Variants in TNFAIP8L3 observed in about 807,000 individuals in gnomAD.
TNFAIP8L3 encodes the protein tumor necrosis factor alpha-induced protein 8-like protein 3.
In TNFAIP8L3, 7 loss-of-function variants were observed where a neutral mutation model predicts 11.8. The ratio of observed to expected loss-of-function variants is 0.59; its 90% confidence interval spans 0.34 to 1.11. TNFAIP8L3 has a LOEUF of 1.11. TNFAIP8L3 is among the 50% of genes most tolerant of loss of function. The pLI is 0.03. For synonymous variants in TNFAIP8L3, 98 were observed against 103.8 expected, an observed-to-expected ratio of 0.94 and a Z score of 0.34; for missense variants, 219 against 258.6, an observed-to-expected ratio of 0.85 and a Z score of 1.05.
chr15:51,095,881 GA>G (rs1352698099), upstream of TNFAIP8L3, among the ~76,000 whole-genome samples: 1 of 152,128 alleles, frequency 6.6e-6, no homozygotes, highest in Non-Finnish European at 1.5e-5. Flanking sequence ...AGAAAATCAA[GA>G]AGAAAAAGTC....
chr15:51,081,887 C>A (rs2081130300), intron 1 of TNFAIP8L3, among the ~76,000 whole-genome samples: 1 of 152,120 alleles, frequency 6.6e-6, no homozygotes, highest in Non-Finnish European at 1.5e-5. Context: ...TTGCTCCTGT[C>A]TCAATCATTC....
intron 1 of TNFAIP8L3, among the ~76,000 whole-genome samples, chr15:51,100,462 A>G (rs950359171): frequency 5.3e-5 from 8 of 152,156 alleles, no homozygotes; most frequent in African/African-American, 1.9e-4. Context: ...TATCAATGGT[A>G]TAGATTACCA....
intron 1 of TNFAIP8L3, among the ~76,000 whole-genome samples, chr15:51,090,128 C>T (rs995444036): frequency 1.2e-4 from 19 of 152,186 alleles, no homozygotes; most frequent in Admixed American, 1.3e-4. Flanking sequence ...GAAGAGGCAG[C>T]GTCTGTGGGG....
upstream of TNFAIP8L3, among the ~76,000 whole-genome samples, chr15:51,098,347 C>G (rs566506567): frequency 7.2e-5 from 11 of 152,186 alleles, no homozygotes; most frequent in Non-Finnish European, 1.3e-4. Context: ...TCTAGAACCG[C>G]TGTTTTCTGT....
intron 1 of TNFAIP8L3, among the ~76,000 whole-genome samples, chr15:51,085,913 G>A (rs976524970): frequency 1.3e-5 from 2 of 152,144 alleles, no homozygotes; most frequent in Non-Finnish European, 2.9e-5. Context: ...ATTCTACCAT[G>A]AGCTTGCACT....
At chr15:51,087,076 A>ATGGC (rs989971939) in intron 1 of TNFAIP8L3, among the ~76,000 whole-genome samples, 7 of 152,048 alleles carry the variant, frequency 4.6e-5, no homozygotes, top group African/African-American at 1.7e-4. Context: ...TTTAGTAGAG[A>ATGGC]TGGCTGGTCT....
chr15:51,063,395 T>C (rs1386338581), intron 1 of TNFAIP8L3, among the ~76,000 whole-genome samples: 2 of 152,228 alleles, frequency 1.3e-5, no homozygotes, highest in Non-Finnish European at 2.9e-5. Flanking sequence ...TTGGGACAAG[T>C]TGGTCATCTA....
At chr15:51,085,555 G>C (rs1156712164) in intron 1 of TNFAIP8L3, among the ~76,000 whole-genome samples, 2 of 151,986 alleles carry the variant, frequency 1.3e-5, no homozygotes, top group Admixed American at 6.5e-5. Flanking sequence ...GAACACAGTA[G>C]AAGGTGTCAG....
chr15:51,080,985 A>C (rs12595551), intron 1 of TNFAIP8L3, among the ~76,000 whole-genome samples: 31,093 of 152,254 alleles, frequency 0.2, 3,660 homozygotes, highest in East Asian at 0.44. Flanking sequence ...TTGTTGTCTA[A>C]AGTTCAGTGT....
At chr15:51,083,466 T>G (rs990898134) in intron 1 of TNFAIP8L3, among the ~76,000 whole-genome samples, 3 of 152,134 alleles carry the variant, frequency 2.0e-5, no homozygotes, top group Admixed American at 1.3e-4. Context: ...ATATCTGGAA[T>G]AGAGGTCAAG....
chr15:51,060,403 T>G (rs1165434601), intron 1 of TNFAIP8L3, among the ~76,000 whole-genome samples: 2 of 152,218 alleles, frequency 1.3e-5, no homozygotes, highest in African/African-American at 4.8e-5. Context: ...CTAATAGGAA[T>G]AGTGGAATGT....
At chr15:51,077,209 G>C (rs1346318340) in intron 1 of TNFAIP8L3, among the ~76,000 whole-genome samples, 2 of 152,306 alleles carry the variant, frequency 1.3e-5, no homozygotes, top group Admixed American at 6.5e-5. Context: ...GCCACAGAGC[G>C]TGCGGTCAGC....
At chr15:51,074,044 A>G (rs1252201987) in intron 1 of TNFAIP8L3, among the ~76,000 whole-genome samples, 1 of 152,240 alleles carries the variant, frequency 6.6e-6, no homozygotes, top group Non-Finnish European at 1.5e-5. Context: ...TGTATTTACT[A>G]TACTGGTGAA....
intron 1 of TNFAIP8L3, among the ~76,000 whole-genome samples, chr15:51,090,584 G>A (rs1201468904): frequency 2.6e-5 from 4 of 152,120 alleles, no homozygotes; most frequent in African/African-American, 4.8e-5. Context: ...CTTTTCTCAA[G>A]CTGTATGACT....
At chr15:51,100,110 A>G (rs1231595207) in intron 1 of TNFAIP8L3, among the ~76,000 whole-genome samples, 1 of 152,228 alleles carries the variant, frequency 6.6e-6, no homozygotes, top group Non-Finnish European at 1.5e-5. Flanking sequence ...AAGTATATAA[A>G]TCAAGATAAT....
chr15:51,095,910 T>G (rs1451601172), upstream of TNFAIP8L3, among the ~76,000 whole-genome samples: 2 of 152,226 alleles, frequency 1.3e-5, no homozygotes, highest in African/African-American at 2.4e-5. Context: ...AAGCGCCACT[T>G]ACTGAACATT....
chr15:51,094,870 G>T lies in TNFAIP8L3; in HGVS notation c.-275C>A, dbSNP rs1352335320. 6.6e-6 allele frequency among the ~76,000 whole-genome samples: 1 copy of T among 151,166 alleles called. No individual in the cohort carries two copies. The highest frequency in any genetic ancestry group is 2.4e-5 in the African/African-American group (1 of 41,310). On this transcript the variant is annotated 5_prime_UTR_variant, in exon 1 of 2. Transcript: ENST00000637513. The surrounding 1 kb of genome is among the most constrained non-coding windows in gnomAD (Gnocchi z 4.4). ...TCCGGGAGACAGCCGGGAGGAGGGA[G>T]GGGAGGCGCGAGCGCCGAGGAGCCC... is the stretch of plus-strand genomic sequence containing the variant.
chr15:51,104,576 C>T (rs2065576264), intron 1 of TNFAIP8L3, among the ~76,000 whole-genome samples: 1 of 152,194 alleles, frequency 6.6e-6, no homozygotes, highest in African/African-American at 2.4e-5. Flanking sequence ...CAGCCTCGTC[C>T]CTGATGAGTG....
upstream of TNFAIP8L3, among the ~76,000 whole-genome samples, chr15:51,097,857 G>C (rs563526114): frequency 7.2e-5 from 11 of 151,912 alleles, 1 homozygote; most frequent in South Asian, 8.3e-4. Context: ...TTTCTTGTGG[G>C]GGGGGAAAAA....
Sources: gnomAD v4.1 joint callset for allele counts (sites outside exome capture counted in the v4.1 genomes callset) on GRCh38, gnomAD v4.1.1 for gene constraint, Gnocchi (gnomAD v3.1) non-coding constraint, MANE v1.5 for transcripts, NCBI Gene and HGNC (gene_info 2026-07-23, HGNC 2026-07-21) for gene names.